LSM12: variants seen among roughly 807,000 people sequenced by gnomAD.
LSM12 encodes protein LSM12.
For missense variants in LSM12, 108 were observed against 238.9 expected, an observed-to-expected ratio of 0.45 and a Z score of 3.61; for synonymous variants, 74 against 87.3, an observed-to-expected ratio of 0.85 and a Z score of 0.85.
intron 2 of LSM12, 102 bp downstream of exon 2, chr17:44,063,699 A>C (rs2049829955): frequency 7.7e-7 from 1 of 1,299,690 alleles, no homozygotes; most frequent in Non-Finnish European, 1.0e-6. Context: ...ATTTTAAGTC[A>C]ATTTTAAAAA....
intron 2 of LSM12, among the ~76,000 whole-genome samples, chr17:44,041,332 CAA>C (rs1491438056): frequency 0.014 from 1,800 of 128,470 alleles, 21 homozygotes; most frequent in African/African-American, 0.038. Context: ...CACACACACA[CAA>C]ACACACACAC....
intron 2 of LSM12, among the ~76,000 whole-genome samples, chr17:44,041,104 C>G (rs1398612350): frequency 3.3e-5 from 5 of 151,130 alleles, no homozygotes; most frequent in Non-Finnish European, 7.4e-5. Context: ...AACCCCGTCT[C>G]TACTAAAATT....
At chr17:44,055,981 C>A (rs561018907) in intron 2 of LSM12, among the ~76,000 whole-genome samples, 183 of 151,552 alleles carry the variant, frequency 1.2e-3, no homozygotes, top group Non-Finnish European at 2.0e-3. Flanking sequence ...CCTAAAGGTA[C>A]CCTGGGTAGG....
At chr17:44,040,622 A>G (rs2049475099) in intron 2 of LSM12, among the ~76,000 whole-genome samples, 1 of 152,110 alleles carries the variant, frequency 6.6e-6, no homozygotes, top group Non-Finnish European at 1.5e-5. Context: ...CACTTTTAAC[A>G]TTATAGAGTG....
chr17:44,060,761 T>C (rs190858438), intron 2 of LSM12, among the ~76,000 whole-genome samples: 19 of 152,220 alleles, frequency 1.2e-4, no homozygotes, highest in African/African-American at 4.3e-4. Flanking sequence ...GCAAAGATAA[T>C]CCACAAACTA....
At chr17:44,047,201 C>T (rs769264679) in intron 2 of LSM12, among the ~76,000 whole-genome samples, 13 of 152,162 alleles carry the variant, frequency 8.5e-5, no homozygotes, top group Non-Finnish European at 1.9e-4. Flanking sequence ...TTTGTAATTA[C>T]TGTATCTTCT....
chr17:44,050,365 C>T (rs900061283), intron 2 of LSM12, among the ~76,000 whole-genome samples: 1 of 152,056 alleles, frequency 6.6e-6, no homozygotes, highest in Non-Finnish European at 1.5e-5. Flanking sequence ...CTGCCTCAGC[C>T]TCCCAAAGTG....
At chr17:44,037,121 A>G (rs1597880990) in intron 4 of LSM12, 1 of 253,310 alleles carries the variant, frequency 3.9e-6, no homozygotes, top group Non-Finnish European at 7.5e-6. Flanking sequence ...GAAAAACTCA[A>G]TATGGGATGA....
intron 1 of LSM12, among the ~76,000 whole-genome samples, chr17:44,065,319 T>TCGG (rs2049857704): frequency 7.0e-6 from 1 of 142,244 alleles, no homozygotes; most frequent in East Asian, 2.1e-4. Context: ...CGCGTGCCCG[T>TCGG]AATCCCAGCT....
intron 2 of LSM12, among the ~76,000 whole-genome samples, chr17:44,059,960 C>T (rs1439883330): frequency 6.6e-6 from 1 of 152,090 alleles, no homozygotes; most frequent in African/African-American, 2.4e-5. Flanking sequence ...GTCAGGAGAT[C>T]GAGACCATCC....
intron 2 of LSM12, among the ~76,000 whole-genome samples, chr17:44,050,480 G>A (rs959181153): frequency 6.0e-5 from 9 of 151,080 alleles, no homozygotes; most frequent in Non-Finnish European, 1.0e-4. Flanking sequence ...GCATCCCCAG[G>A]GCAACTGTTC....
intron 2 of LSM12, among the ~76,000 whole-genome samples, chr17:44,051,965 G>T (rs777828754): frequency 2.0e-5 from 3 of 152,060 alleles, no homozygotes; most frequent in African/African-American, 4.8e-5. Flanking sequence ...AACATCCGCT[G>T]GGTGTGGTAG....
intron 2 of LSM12, among the ~76,000 whole-genome samples, chr17:44,054,823 G>A (rs995338966): frequency 6.6e-6 from 1 of 151,336 alleles, no homozygotes; most frequent in African/African-American, 2.4e-5. Flanking sequence ...CGGCCTTGGC[G>A]ACGTTTTCTT....
chr17:44,052,996 G>C (rs1476461287), intron 2 of LSM12, among the ~76,000 whole-genome samples: 1 of 152,066 alleles, frequency 6.6e-6, no homozygotes, highest in Non-Finnish European at 1.5e-5. Flanking sequence ...ACAACCTCCA[G>C]TTCAGCTCAA....
intron 2 of LSM12, among the ~76,000 whole-genome samples, chr17:44,060,255 C>T (rs1305644655): frequency 2.0e-5 from 3 of 152,224 alleles, no homozygotes; most frequent in African/African-American, 7.2e-5. Flanking sequence ...TTCTTCCAGA[C>T]ATCCCAGAGT....
At chr17:44,043,635 G>A (rs1453822328) in intron 2 of LSM12, among the ~76,000 whole-genome samples, 1 of 150,538 alleles carries the variant, frequency 6.6e-6, no homozygotes, top group African/African-American at 2.4e-5. Context: ...AACCTAAGGA[G>A]GAGTTTCCTT....
At chr17:44,066,108 C>T (rs1265528299) in intron 1 of LSM12, among the ~76,000 whole-genome samples, 1 of 152,098 alleles carries the variant, frequency 6.6e-6, no homozygotes, top group African/African-American at 2.4e-5. Flanking sequence ...CCCTCCTTTC[C>T]ATCCGGGCTC....
In LSM12 at chr17:44,036,050, TG is replaced by T. The variant is rs2049411831; in HGVS notation, c.*157del. On this transcript the variant is annotated 3_prime_UTR_variant, in exon 5 of 5. Transcript: ENST00000293406. The stretch of plus-strand genomic sequence containing the variant: ...TATTCTCTTGTTCTTTTTTGTTGGG[TG>T]TTTTGTTTGTTCAAGTCTAAGATTT... 1.8e-6 allele frequency: 1 copy of T among 564,916 alleles called. No individual in the cohort carries two copies. Among genetic ancestry groups the T allele is most frequent in the African/African-American group, 2.0e-5 (1 of 48,836 alleles). 35.0% of individuals were successfully genotyped at this position (564,916 alleles called of 1,614,324 possible). A position where few individuals can be genotyped will look rare whatever the true frequency, so the allele number is the denominator to read the frequency against.
At chr17:44,059,669 C>T (rs1750178634) in intron 2 of LSM12, among the ~76,000 whole-genome samples, 1 of 152,182 alleles carries the variant, frequency 6.6e-6, no homozygotes, top group Admixed American at 6.5e-5. Flanking sequence ...CATTCGAAAG[C>T]AAAACAGGCC....
Sources: gnomAD v4.1 joint callset for allele counts (sites outside exome capture counted in the v4.1 genomes callset) on GRCh38, gnomAD v4.1.1 for gene constraint, MANE v1.5 for transcripts, NCBI Gene and HGNC (gene_info 2026-07-23, HGNC 2026-07-21) for gene names.